SULF1: variants seen among roughly 807,000 people sequenced by gnomAD.
SULF1 encodes the protein extracellular sulfatase Sulf-1.
Under a neutral mutation model 110.5 loss-of-function variants are expected in SULF1, and 46 were observed. That is an observed-to-expected ratio of 0.42 (90% CI 0.33 to 0.53). SULF1 has a LOEUF of 0.53. Ranked by LOEUF, SULF1 falls within the 20% of genes least tolerant of loss-of-function variation. The pLI is 0.12. For missense variants in SULF1, 941 were observed against 1,094.2 expected (o/e 0.86, Z 1.98); for synonymous variants, 371 against 387.1 (o/e 0.96, Z 0.49).
At chr8:69,626,749 C>T (rs983349861) in intron 15 of SULF1, among the ~76,000 whole-genome samples, 1 of 152,228 alleles carries the variant, frequency 6.6e-6, no homozygotes, top group Non-Finnish European at 1.5e-5. Flanking sequence ...CCGCAAGGGC[C>T]GGCCGGCCTC....
intron 13 of SULF1, among the ~76,000 whole-genome samples, chr8:69,616,414 T>C (rs1809148483): frequency 6.6e-6 from 1 of 151,670 alleles, no homozygotes; most frequent in Admixed American, 6.6e-5. Context: ...TGTTTGTTTG[T>C]TTTTGGAAAC....
At chr8:69,644,755 C>A (rs558877687) in intron 22 of SULF1, among the ~76,000 whole-genome samples, 20 of 115,444 alleles carry the variant, frequency 1.7e-4, no homozygotes, top group African/African-American at 7.3e-4. Flanking sequence ...AGGGAGACGC[C>A]GTCTCAAAAA....
chr8:69,491,054 AG>A (rs1255259099), upstream of SULF1, among the ~76,000 whole-genome samples: 12 of 152,268 alleles, frequency 7.9e-5, no homozygotes, highest in East Asian at 2.3e-3. Context: ...AAATTAGTAG[AG>A]GGGGGAAAAT....
At chr8:69,496,227 TGCAAA>T (rs776364058) in intron 2 of SULF1, among the ~76,000 whole-genome samples, 2 of 152,262 alleles carry the variant, frequency 1.3e-5, no homozygotes, top group African/African-American at 2.4e-5. Flanking sequence ...TGGCTAGTCT[TGCAAA>T]GTGGTATAAT....
At chr8:69,574,025 C>T (rs1805427723) in intron 5 of SULF1, among the ~76,000 whole-genome samples, 1 of 152,172 alleles carries the variant, frequency 6.6e-6, no homozygotes, top group African/African-American at 2.4e-5. Flanking sequence ...CTTCAGCGAC[C>T]TCATCTGCAC....
intron 3 of SULF1, among the ~76,000 whole-genome samples, chr8:69,550,134 A>G (rs1476011300): frequency 6.6e-6 from 1 of 151,514 alleles, no homozygotes; most frequent in Non-Finnish European, 1.5e-5. Context: ...GATCTTTTAG[A>G]GTGTAAATGC....
intron 19 of SULF1, among the ~76,000 whole-genome samples, chr8:69,634,072 A>G (rs537229887): frequency 3.3e-5 from 5 of 152,320 alleles, no homozygotes; most frequent in Admixed American, 1.3e-4. Flanking sequence ...TTTAATGAAA[A>G]GTCGTATAAT....
At chr8:69,594,986 G>A (rs982339981) in intron 8 of SULF1, among the ~76,000 whole-genome samples, 4 of 152,084 alleles carry the variant, frequency 2.6e-5, no homozygotes, top group Non-Finnish European at 4.4e-5. Context: ...ACATGCCTTC[G>A]GACCAAGTAG....
At chr8:69,479,881 A>G (rs1489639300) in intron 1 of SULF1, among the ~76,000 whole-genome samples, 2 of 152,184 alleles carry the variant, frequency 1.3e-5, no homozygotes, top group Non-Finnish European at 2.9e-5. Context: ...TCCACTTTAC[A>G]TTGGGACCCG....
intron 22 of SULF1, among the ~76,000 whole-genome samples, chr8:69,650,605 G>A (rs1174203389): frequency 1.3e-5 from 2 of 152,084 alleles, no homozygotes; most frequent in Non-Finnish European, 2.9e-5. Flanking sequence ...GCCAGACCCT[G>A]TTTCAAAAAT....
At chr8:69,649,590 A>T (rs893109223) in intron 22 of SULF1, among the ~76,000 whole-genome samples, 1 of 152,190 alleles carries the variant, frequency 6.6e-6, no homozygotes, top group Non-Finnish European at 1.5e-5. Context: ...TATCTGGAAC[A>T]GTTCCTCAAC....
At chr8:69,605,191 G>T (rs1395779081) in intron 13 of SULF1, among the ~76,000 whole-genome samples, 2 of 152,194 alleles carry the variant, frequency 1.3e-5, no homozygotes, top group African/African-American at 2.4e-5. Context: ...AAAGACACTG[G>T]TTTCCTCTGA....
intron 5 of SULF1, among the ~76,000 whole-genome samples, chr8:69,574,520 G>A (rs1805462872): frequency 2.0e-5 from 3 of 152,114 alleles, no homozygotes; most frequent in South Asian, 4.1e-4. Context: ...TGCTACTGCT[G>A]TATTCACATT....
chr8:69,653,406 T>C (rs1812502420), intron 22 of SULF1, among the ~76,000 whole-genome samples: 1 of 152,236 alleles, frequency 6.6e-6, no homozygotes, highest in Non-Finnish European at 1.5e-5. Context: ...TTTAAAATAT[T>C]TACCAGTTTA....
chr8:69,646,502 T>C (rs1366785284), intron 22 of SULF1, among the ~76,000 whole-genome samples: 2 of 151,826 alleles, frequency 1.3e-5, no homozygotes, highest in Admixed American at 1.3e-4. Context: ...CTTGGCTCAC[T>C]GCAACCTCCA....
At chr8:69,586,682 G>A (rs531084750) in intron 7 of SULF1, among the ~76,000 whole-genome samples, 174 bp downstream of exon 7, 1 of 152,230 alleles carries the variant, frequency 6.6e-6, no homozygotes, top group Admixed American at 6.5e-5. Context: ...CTCAAGGAAC[G>A]CTGCCTTTGT....
chr8:69,628,377 T>A, intron 18 of SULF1, 141 bp downstream of exon 18: 1 of 693,924 alleles, frequency 1.4e-6, no homozygotes, highest in Non-Finnish European at 2.5e-6. Context: ...ACCTAGCTCA[T>A]GAAGTTGAAA....
intron 8 of SULF1, among the ~76,000 whole-genome samples, chr8:69,598,881 G>A (rs1399345728): frequency 1.3e-5 from 2 of 152,180 alleles, no homozygotes; most frequent in Non-Finnish European, 1.5e-5. Flanking sequence ...TTGTGCTGCT[G>A]TGCTGCTACT....
intron 3 of SULF1, among the ~76,000 whole-genome samples, chr8:69,557,611 A>G (rs1367222128): frequency 6.6e-6 from 1 of 152,104 alleles, no homozygotes; most frequent in East Asian, 1.9e-4. Flanking sequence ...AGAAAACTTA[A>G]GTTTATTTAT....
Sources: allele counts gnomAD v4.1 joint callset (sites outside exome capture counted in the v4.1 genomes callset), GRCh38; gene constraint gnomAD v4.1.1; transcripts MANE v1.5; gene names NCBI Gene and HGNC (gene_info 2026-07-23, HGNC 2026-07-21).